The following DLGAP1 variants were observed in gnomAD, a reference collection of about 807,000 sequenced individuals.
DLGAP1 encodes disks large-associated protein 1.
A neutral mutation model predicts 90.8 loss-of-function variants in DLGAP1; 11 were observed. The ratio of observed to expected loss-of-function variants is 0.12; its 90% confidence interval spans 0.08 to 0.20. DLGAP1 has a LOEUF of 0.20. Ranked by LOEUF, DLGAP1 falls within the 10% of genes least tolerant of loss-of-function variation. The probability of loss-of-function intolerance (pLI) is 1.00; values close to 1 mark genes in which losing one functional copy is unlikely to be tolerated. For missense variants in DLGAP1, 1,050 were observed against 1,333.8 expected, an observed-to-expected ratio of 0.79 and a Z score of 3.31; for synonymous variants, 558 against 540.7, an observed-to-expected ratio of 1.03 and a Z score of -0.44.
At chr18:4,453,646 T>G (rs2083890564) in intron 1 of DLGAP1, among the ~76,000 whole-genome samples, 1 of 152,226 alleles carries the variant, frequency 6.6e-6, no homozygotes, top group Non-Finnish European at 1.5e-5. Flanking sequence ...TCTCCATGTC[T>G]AACCACATCT....
chr18:4,031,958 A>G (rs760158753), intron 2 of DLGAP1, among the ~76,000 whole-genome samples: 2 of 152,222 alleles, frequency 1.3e-5, no homozygotes, highest in African/African-American at 2.4e-5. Flanking sequence ...ATATGTGAAC[A>G]TATGCACACA....
intron 3 of DLGAP1, among the ~76,000 whole-genome samples, chr18:3,961,621 C>G (rs1453208993): frequency 2.0e-5 from 3 of 152,210 alleles, no homozygotes; most frequent in Admixed American, 6.5e-5. Flanking sequence ...CCAGCAAAAC[C>G]TCACTCCTTG....
chr18:3,851,387 T>C (rs1213554284), intron 4 of DLGAP1, among the ~76,000 whole-genome samples: 1 of 152,148 alleles, frequency 6.6e-6, no homozygotes. Context: ...AGAACAGAAC[T>C]AGGTTTGGTT....
At chr18:3,580,167 TCA>T (rs2055404602) in intron 8 of DLGAP1, 2 of 1,367,996 alleles carry the variant, frequency 1.5e-6, no homozygotes, top group African/African-American at 2.8e-5. Flanking sequence ...GAAAATACTT[TCA>T]GAAACCCTGA....
At position 3,967,041 on chromosome 18, in the gene DLGAP1, A is replaced by T. The variant is rs1043478139; in HGVS notation, c.-73+38075T>A. Among the ~76,000 whole-genome samples, 6 of 152,188 alleles carry T rather than the reference A, an allele frequency of 3.9e-5. No homozygotes were observed. In the East Asian group the frequency reaches 1.2e-3, roughly 29 times the overall value. ...CAGAAGGGAAACCAGGAGGTGAGGT[A>T]GTCCAGAACCTGGAGAAGAGAGTAG... is the stretch of plus-strand genomic sequence containing the variant. On this transcript the variant is annotated intron_variant, in intron 3 of 12. Transcript: ENST00000315677.
At chr18:3,656,278 C>T (rs2059479827) in intron 7 of DLGAP1, 1 of 573,414 alleles carries the variant, frequency 1.7e-6, no homozygotes, top group African/African-American at 1.9e-5. Flanking sequence ...AATTTTTAGT[C>T]TTAACTAGGT....
chr18:3,795,181 G>T (rs1677505626), intron 5 of DLGAP1, among the ~76,000 whole-genome samples: 1 of 152,196 alleles, frequency 6.6e-6, no homozygotes, highest in Non-Finnish European at 1.5e-5. Flanking sequence ...CTAAGTGACA[G>T]GGGAGATGGA....
chr18:3,634,991 G>GT (rs1390462008), intron 7 of DLGAP1, among the ~76,000 whole-genome samples: 2 of 152,226 alleles, frequency 1.3e-5, no homozygotes, highest in Non-Finnish European at 2.9e-5. Flanking sequence ...TTAGAGCAGG[G>GT]TTTGGAATGA....
chr18:4,099,345 A>ATCTATCTGTCTG (rs1185423870), intron 2 of DLGAP1, among the ~76,000 whole-genome samples: 35 of 73,070 alleles, frequency 4.8e-4, no homozygotes, highest in South Asian at 2.9e-3. Flanking sequence ...CTATCTATCT[A>ATCTATCTGTCTG]TCTGTCTGTC....
At chr18:3,842,404 A>G (rs1303861221) in intron 4 of DLGAP1, among the ~76,000 whole-genome samples, 1 of 152,176 alleles carries the variant, frequency 6.6e-6, no homozygotes, top group Non-Finnish European at 1.5e-5. Flanking sequence ...TAATGATTTT[A>G]TCTGTATTTT....
At position 3,947,986 on chromosome 18, in the gene DLGAP1, TGAG is replaced by T. The variant is rs1442465638; in HGVS notation, c.-73+57127_-73+57129del. Reference sequence around the variant, plus strand: ...TAGAGGTAGTTGTGGGTGAAAGAAGTGAGGAGGAGTTGGGCCTGTAGCTCAAAG... The same window carrying T: ...TAGAGGTAGTTGTGGGTGAAAGAAGTGAGGAGTTGGGCCTGTAGCTCAAAG... On this transcript the variant is annotated intron_variant, in intron 3 of 12. Transcript: ENST00000315677. Among the ~76,000 whole-genome samples the T allele has an allele frequency of 2.6e-5, 4 of 151,962 alleles. No individual in the cohort carries two copies. The South Asian group carries it at 8.3e-4, about 32-fold the overall frequency.
intron 1 of DLGAP1, among the ~76,000 whole-genome samples, chr18:4,247,023 G>A (rs777568327): frequency 2.6e-5 from 4 of 152,108 alleles, no homozygotes; most frequent in South Asian, 2.1e-4. Context: ...AAAATGCTTC[G>A]GTTATGTTTG....
chr18:3,860,098 C>CAAAAAAAAAAAAAAAAAAAAAAAAAA (rs1169488386), intron 4 of DLGAP1, among the ~76,000 whole-genome samples: 29 of 104,768 alleles, frequency 2.8e-4, no homozygotes, highest in South Asian at 1.0e-3. Context: ...GACTCTGTCT[C>CAAAAAAAAAAAAAAAAAAAAAAAAAA]AAAAAATAAA....
intron 7 of DLGAP1, among the ~76,000 whole-genome samples, chr18:3,667,592 T>G (rs1001954524): frequency 7.2e-5 from 11 of 152,160 alleles, no homozygotes; most frequent in Non-Finnish European, 1.3e-4. Context: ...CCAAGTCTAT[T>G]AAAACCCCAA....
chr18:4,431,339 T>G (rs947013489), intron 1 of DLGAP1, among the ~76,000 whole-genome samples: 1 of 152,206 alleles, frequency 6.6e-6, no homozygotes, highest in Non-Finnish European at 1.5e-5. Context: ...CTTTTAGACT[T>G]GGGTATAAAC....
intron 7 of DLGAP1, among the ~76,000 whole-genome samples, chr18:3,675,974 C>T (rs990306910): frequency 3.9e-5 from 6 of 152,202 alleles, no homozygotes; most frequent in African/African-American, 9.7e-5. Flanking sequence ...AGTGAGGGTA[C>T]GGAAGTCCTT....
At chr18:3,525,653 C>T (rs759312513) in intron 10 of DLGAP1, among the ~76,000 whole-genome samples, 72 of 152,326 alleles carry the variant, frequency 4.7e-4, no homozygotes, top group Non-Finnish European at 7.4e-4. Flanking sequence ...CCTGCCTCGG[C>T]CTCCCAAAGT....
intron 5 of DLGAP1, among the ~76,000 whole-genome samples, chr18:3,776,985 G>A (rs540845102): frequency 1.4e-4 from 20 of 147,252 alleles, no homozygotes; most frequent in African/African-American, 4.7e-4. Flanking sequence ...TAGAGACAGG[G>A]TCTCACTATG....
At chr18:3,945,974 C>A (rs2072870309) in intron 3 of DLGAP1, among the ~76,000 whole-genome samples, 1 of 152,052 alleles carries the variant, frequency 6.6e-6, no homozygotes, top group South Asian at 2.1e-4. Context: ...ACCATTGGAA[C>A]CTCATGTTCT....
Sources: allele counts gnomAD v4.1 joint callset (sites outside exome capture counted in the v4.1 genomes callset), GRCh38; gene constraint gnomAD v4.1.1; transcripts MANE v1.5; gene names NCBI Gene and HGNC (gene_info 2026-07-23, HGNC 2026-07-21).